Variants in TIMMDC1 observed in about 807,000 individuals in gnomAD.
TIMMDC1 encodes the protein translocase of inner mitochondrial membrane domain containing 1.
TIMMDC1 carries 25 observed loss-of-function variants against 32.6 expected under a neutral mutation model. That is an observed-to-expected ratio of 0.77 (90% CI 0.56 to 1.07). The LOEUF is 1.07. Ranked by LOEUF, TIMMDC1 falls within the 50% of genes least tolerant of loss-of-function variation. The pLI is 0.00. For synonymous variants in TIMMDC1, 130 were observed against 127.6 expected, an observed-to-expected ratio of 1.02 and a Z score of -0.13; for missense variants, 329 against 349.2, an observed-to-expected ratio of 0.94 and a Z score of 0.46.
intron 4 of TIMMDC1, among the ~76,000 whole-genome samples, chr3:119,506,290 A>G (rs182641687): frequency 1.6e-4 from 25 of 152,316 alleles, no homozygotes; most frequent in African/African-American, 5.3e-4. Flanking sequence ...TGGGAGGCCA[A>G]GGTGGGCAGA....
At chr3:119,515,561 C>A (rs1316537367) in intron 5 of TIMMDC1, among the ~76,000 whole-genome samples, 3 of 152,148 alleles carry the variant, frequency 2.0e-5, no homozygotes, top group Non-Finnish European at 4.4e-5. Context: ...TAATCATGGG[C>A]ATAATATATT....
chr3:119,500,304 C>G (rs2081861130), intron 1 of TIMMDC1: 1 of 155,648 alleles, frequency 6.4e-6, no homozygotes, highest in Non-Finnish European at 1.4e-5. Context: ...TCAAAAGCAC[C>G]TTTTAAAAAA....
rs533543896 is a variant in TIMMDC1, at chr3:119,500,464, G to A, written c.195-231G>A. On this transcript the variant is annotated intron_variant, in intron 1 of 6. Coordinates refer to ENST00000494664, the MANE Select transcript of TIMMDC1 (RefSeq NM_016589.4). ...CAAAAGCTCCCCTTGTGCCTTTTCC[G>A]GTCATTGTCTTTTCAGGAGTTGCCA... 8 of 413,752 alleles carry A rather than the reference G, an allele frequency of 1.9e-5. No homozygotes were observed. In the South Asian group the frequency reaches 3.1e-4, roughly 16 times the overall value. The allele number at this position is 413,752 out of a possible 1,614,324, so 25.6% of individuals were successfully genotyped here.
In TIMMDC1 at chr3:119,498,794, C is replaced by G. The variant is rs148112033; in HGVS notation, c.61C>G (p.Arg21Gly). Residue 21 changes from arginine to glycine, a missense_variant, in exon 1 of 7, where the codon CGA becomes GGA. Physicochemically the swap from Arg to Gly is moderately radical, Grantham distance 125. Transcript: ENST00000494664. ...FLCRALCLFP[R>G]VFAAEAVTAD... is the part of the protein sequence containing the mutation. ...CTGTAGAGCATTGTGCCTATTTCCC[C>G]GAGTCTTTGCTGCCGAAGCTGTGAC... 20 of 1,614,092 alleles carry G rather than the reference C, an allele frequency of 1.2e-5. No homozygotes were observed. Among genetic ancestry groups the G allele is most frequent in the Non-Finnish European group, 1.7e-5 (20 of 1,180,048 alleles).
intron 6 of TIMMDC1, among the ~76,000 whole-genome samples, chr3:119,521,110 A>G (rs1291650030): frequency 2.0e-5 from 3 of 152,250 alleles, no homozygotes; most frequent in Non-Finnish European, 4.4e-5. Flanking sequence ...CATATATGTC[A>G]AACTCACAGC....
At position 119,503,609 on chromosome 3, in the gene TIMMDC1, G is replaced by C. The variant is rs1131265; in HGVS notation, c.438G>C (p.Val146=). The change falls in exon 3 of 7, where the codon GTG becomes GTC. Residue 146 remains valine (V), a synonymous_variant. Coordinates refer to ENST00000494664, the MANE Select transcript of TIMMDC1 (RefSeq NM_016589.4). ...WRWGWRTAVF[V]TIFNTVNTSL... is the part of the protein sequence containing the mutation. ...GGGGTTGGAGAACTGCAGTGTTTGT[G>C]ACTATATTCAAGTAAGTTCACTCTG... The C allele has an allele frequency of 0.19, 299,583 of 1,606,236 alleles. 28,983 individuals are homozygous for C. The highest frequency in any genetic ancestry group is 0.32 in the East Asian group (14,340 of 44,754).
chr3:119,499,174 A>G (rs751938545), intron 1 of TIMMDC1, among the ~76,000 whole-genome samples: 2 of 132,500 alleles, frequency 1.5e-5, no homozygotes, highest in Non-Finnish European at 3.2e-5. Flanking sequence ...GCTCACTGCA[A>G]CCTCTGCCTC....
chr3:119,503,936 C>T lies in TIMMDC1; in HGVS notation c.450-18C>T. The T allele has an allele frequency of 6.2e-7, 1 of 1,601,608 alleles. No homozygotes were observed. The highest frequency in any genetic ancestry group is 8.5e-7 in the Non-Finnish European group (1 of 1,170,370). ...ATGCTTTAAATCTTATATTTTCCTTCTCCTCCCTTTTTACCAGCACAGTGA... is the reference window on the plus strand; with the variant it reads ...ATGCTTTAAATCTTATATTTTCCTTTTCCTCCCTTTTTACCAGCACAGTGA... On this transcript the variant is annotated intron_variant, in intron 3 of 6. Transcript: ENST00000494664.
chr3:119,499,081 CTTT>C (rs2081847710), intron 1 of TIMMDC1, 154 bp downstream of exon 1: 2 of 524,862 alleles, frequency 3.8e-6, no homozygotes, highest in Non-Finnish European at 6.6e-6. Flanking sequence ...AAGCTTGTAT[CTTT>C]TTTCTTTCTT....
rs1196602077 is a variant in TIMMDC1, at chr3:119,523,672, A to G, written c.774A>G (p.Glu258=). ...TTGAAAGTAGTTTACAGGAAGATGA[A>G]CCTGAGAATGATGCTAAGAAAATTG... The part of the protein sequence containing the change: ...EKIESSLQED[E]PENDAKKIEA... The change falls in exon 7 of 7, where the codon GAA becomes GAG. Residue 258 remains glutamate, a synonymous_variant. Transcript: ENST00000494664. 1 of 1,613,576 alleles carries G rather than the reference A, an allele frequency of 6.2e-7. No individual in the cohort carries two copies. Among genetic ancestry groups the G allele is most frequent in the Non-Finnish European group, 8.5e-7 (1 of 1,179,782 alleles).
intron 3 of TIMMDC1, 71 bp downstream of exon 3, chr3:119,503,691 G>T: frequency 7.8e-7 from 1 of 1,281,974 alleles, no homozygotes; most frequent in Non-Finnish European, 1.1e-6. Context: ...TTTTGAGCAG[G>T]TGGGGTTATG....
chr3:119,500,501 C>G (rs1378887252), intron 1 of TIMMDC1, 194 bp from the exon 2 acceptor site: 14 of 513,710 alleles, frequency 2.7e-5, no homozygotes, highest in Non-Finnish European at 4.4e-5. Context: ...TATCCTAATT[C>G]TAACACCATA....
In TIMMDC1 at chr3:119,513,634, T is replaced by TA; in HGVS notation, c.518-4dup. 6.2e-7 allele frequency: 1 copy of TA among 1,609,544 alleles called. No individual in the cohort carries two copies. The highest frequency in any genetic ancestry group is 8.5e-7 in the Non-Finnish European group (1 of 1,176,056). On this transcript the variant is annotated splice_region_variant and splice_polypyrimidine_tract_variant and intron_variant, in intron 4 of 6. Coordinates refer to ENST00000494664, the MANE Select transcript of TIMMDC1 (RefSeq NM_016589.4). ...GATTTAATATTGCCTTTCTTGTTTTTAAATAGCTGTCACGGGAAGTCTTTT... is the reference window on the plus strand; with the variant it reads ...GATTTAATATTGCCTTTCTTGTTTTTAAAATAGCTGTCACGGGAAGTCTTTT...
intron 5 of TIMMDC1, among the ~76,000 whole-genome samples, chr3:119,515,720 GA>G (rs2081981744): frequency 6.6e-6 from 1 of 152,182 alleles, no homozygotes; most frequent in African/African-American, 2.4e-5. Context: ...GGGTGAAACT[GA>G]ATATTCTGCT....
chr3:119,505,136 A>G (rs2081909765), intron 4 of TIMMDC1, among the ~76,000 whole-genome samples: 1 of 152,070 alleles, frequency 6.6e-6, no homozygotes. Flanking sequence ...ATAGTATGTG[A>G]AGTAACGTGT....
chr3:119,524,054 G>A lies in TIMMDC1; in HGVS notation c.*298G>A, dbSNP rs558838463. On this transcript the variant is annotated 3_prime_UTR_variant, in exon 7 of 7. Coordinates refer to ENST00000494664, the MANE Select transcript of TIMMDC1 (RefSeq NM_016589.4). ...TTTTAAGCAGTAAATAAAACATTTC[G>A]CAAAAGATTAAAGTTGAATTTTACA... is the stretch of plus-strand genomic sequence containing the variant. The A allele has an allele frequency of 2.0e-5, 4 of 202,556 alleles. No individual in the cohort carries two copies. Among genetic ancestry groups the A allele is most frequent in the East Asian group, 2.1e-4 (2 of 9,710 alleles). 12.5% of individuals were successfully genotyped at this position (202,556 alleles called of 1,614,324 possible). A position where few individuals can be genotyped will look rare whatever the true frequency, so the allele number is the denominator to read the frequency against.
intron 4 of TIMMDC1, among the ~76,000 whole-genome samples, chr3:119,509,931 G>T (rs56413426): frequency 3.3e-5 from 5 of 151,858 alleles, no homozygotes; most frequent in Non-Finnish European, 7.4e-5. Flanking sequence ...TGATCCGCCC[G>T]CCTCGGCCTC....
At chr3:119,509,591 A>G (rs931528281) in intron 4 of TIMMDC1, among the ~76,000 whole-genome samples, 1 of 152,206 alleles carries the variant, frequency 6.6e-6, no homozygotes, top group African/African-American at 2.4e-5. Context: ...ATTGGGAACC[A>G]GGAGTAACCA....
rs750461248 is a variant in TIMMDC1 at position 119,523,710 on chromosome 3, AC to A, written c.814del (p.Leu272PhefsTer7). 4.1e-4 allele frequency: 654 copies of A among 1,613,002 alleles called. 1 individual carries two copies. Among genetic ancestry groups the A allele is most frequent in the Non-Finnish European group, 5.2e-4 (617 of 1,179,594 alleles). On this transcript the variant is annotated frameshift_variant, in exon 7 of 7. Transcript: ENST00000494664. LOFTEE classifies it high-confidence loss of function. ...GCTAAGAAAATTGAAGCACTGCTAAACCTTCCTAGAAACCCTTCAGTAATAG... is the reference window on the plus strand; with the variant it reads ...GCTAAGAAAATTGAAGCACTGCTAAACTTCCTAGAAACCCTTCAGTAATAG... ...NDAKKIEALL[N>X]LPRNPSVIDK...
Sources: allele counts gnomAD v4.1 joint callset (sites outside exome capture counted in the v4.1 genomes callset), GRCh38; gene constraint gnomAD v4.1.1; transcripts MANE v1.5; gene names NCBI Gene and HGNC (gene_info 2026-07-23, HGNC 2026-07-21).